TMEM165: variants seen among roughly 807,000 people sequenced by gnomAD.
TMEM165 encodes the protein putative divalent cation/proton antiporter TMEM165.
In TMEM165, 19 loss-of-function variants were observed where a neutral mutation model predicts 30.0. The observed-to-expected ratio is 0.63, with a 90% CI of 0.44 to 0.93. TMEM165 has a LOEUF of 0.93. Ranked by LOEUF, TMEM165 falls within the 40% of genes least tolerant of loss-of-function variation. The probability of loss-of-function intolerance (pLI) is 0.00; values close to 1 mark genes in which losing one functional copy is unlikely to be tolerated. For synonymous variants in TMEM165, 168 were observed against 162.9 expected, an observed-to-expected ratio of 1.03 and a Z score of -0.24; for missense variants, 340 against 417.0, an observed-to-expected ratio of 0.82 and a Z score of 1.61.
At chr4:55,448,599 CGCGTGTGTGTGTGTGTGTGTGT>C (rs1198649403) in intron 3 of TMEM165, among the ~76,000 whole-genome samples, 6 of 105,592 alleles carry the variant, frequency 5.7e-5, no homozygotes, top group Non-Finnish European at 1.1e-4. Flanking sequence ...CGCGCACGCG[CGCGTGTGTGTGTGTGTGTGTGT>C]GTGTGTGTGT....
chr4:55,404,177 A>AT (rs768783408), intron 1 of TMEM165, among the ~76,000 whole-genome samples: 9,733 of 140,648 alleles, frequency 0.069, 319 homozygotes, highest in African/African-American at 0.093. Flanking sequence ...ACGCCTGGCT[A>AT]TTTTTTTTTT....
intron 1 of TMEM165, among the ~76,000 whole-genome samples, chr4:55,398,261 C>G (rs1720814475): frequency 1.3e-5 from 2 of 152,198 alleles, no homozygotes; most frequent in South Asian, 4.1e-4. Context: ...GAATAACTAA[C>G]TGCCTATGAG....
chr4:55,426,956 A>G (rs1475814102), downstream of TMEM165, among the ~76,000 whole-genome samples: 3 of 152,156 alleles, frequency 2.0e-5, no homozygotes, highest in Non-Finnish European at 4.4e-5. Context: ...GTGGATTAAG[A>G]TAAACTCTGT....
chr4:55,416,713 C>T (rs1006890552), intron 2 of TMEM165, among the ~76,000 whole-genome samples: 21 of 152,102 alleles, frequency 1.4e-4, no homozygotes, highest in Non-Finnish European at 2.8e-4. Flanking sequence ...CTTGAGAGGG[C>T]CTCAGAGCTA....
rs1471168740 is a variant in TMEM165 at position 55,417,103 on chromosome 4, C to G, written c.465C>G (p.Pro155=). 1.2e-6 allele frequency: 2 copies of G among 1,608,146 alleles called. No individual in the cohort carries two copies. The highest frequency in any genetic ancestry group is 4.5e-5 in the East Asian group (2 of 44,564). ...VLFGYATTVI[P]RVYTYYVSTV... The stretch of plus-strand genomic sequence containing the variant: ...TTGGCTATGCCACCACAGTCATCCC[C>G]AGGGTCTATACATACTATGTTTCAA... The change falls in exon 3 of 6, where the codon CCC becomes CCG. Residue 155 remains proline (P), a synonymous_variant. Transcript: ENST00000381334.
intron 3 of TMEM165, chr4:55,432,027 G>A (rs6832769): frequency 0.68 from 104,058 of 152,028 alleles, 35,852 homozygotes; most frequent in South Asian, 0.81. Context: ...TGCACTGAAT[G>A]TTCTATAACA....
exon 4 of TMEM165, chr4:55,452,503 C>T (rs951393581): frequency 6.5e-6 from 1 of 153,856 alleles, no homozygotes; most frequent in Non-Finnish European, 1.4e-5. Context: ...TAAACTGTGC[C>T]TGGACTCTTG....
chr4:55,424,276 T>G, intron 4 of TMEM165: 1 of 451,658 alleles, frequency 2.2e-6, no homozygotes. Context: ...AAGGTTCGAT[T>G]AGCTTTATTT....
Position 55,450,214 on chromosome 4 carries a change from C to A in TMEM165, c.409-2025C>A, listed in dbSNP as rs761143974. 1.7e-5 allele frequency: 27 copies of A among 1,613,854 alleles called. 1 individual carries two copies. In the South Asian group the frequency reaches 3.0e-4, roughly 18 times the overall value. On this transcript the variant is annotated intron_variant, in intron 3 of 3. Coordinates refer to the TMEM165 transcript ENST00000608091. ...AGACTGACTGTGTTTATACGATTAT[C>A]TGACCCAGAATCTTGGCTCTATGGA... is the stretch of plus-strand genomic sequence containing the variant.
intron 1 of TMEM165, chr4:55,397,021 C>G (rs1384459673): frequency 1.3e-5 from 2 of 152,156 alleles, no homozygotes; most frequent in Admixed American, 1.3e-4. Context: ...TGTATTTTGT[C>G]CTTCCCTGAA....
chr4:55,398,728 C>G (rs547006962), intron 1 of TMEM165, among the ~76,000 whole-genome samples: 32 of 152,292 alleles, frequency 2.1e-4, no homozygotes, highest in African/African-American at 7.5e-4. Flanking sequence ...CTGGCTTACT[C>G]ATCTGTCTAT....
chr4:55,433,377 CATT>C (rs1560406815), intron 3 of TMEM165: 1 of 152,570 alleles, frequency 6.6e-6, no homozygotes, highest in Admixed American at 6.5e-5. Flanking sequence ...TCTTTTTCAA[CATT>C]AATGTTCAAA....
At chr4:55,426,612 A>G (rs981961110), downstream of TMEM165, among the ~76,000 whole-genome samples, 1 of 152,228 alleles carries the variant, frequency 6.6e-6, no homozygotes, top group African/African-American at 2.4e-5. Flanking sequence ...GCCTCACTAA[A>G]TTGAAGGACA....
intron 3 of TMEM165, among the ~76,000 whole-genome samples, chr4:55,436,304 C>T (rs1051229023): frequency 1.3e-5 from 2 of 152,150 alleles, no homozygotes; most frequent in African/African-American, 2.4e-5. Flanking sequence ...AAAAAAGGCA[C>T]AGGATTTGCA....
chr4:55,397,690 A>G (rs757029964), intron 1 of TMEM165, among the ~76,000 whole-genome samples: 3 of 102,666 alleles, frequency 2.9e-5, no homozygotes, highest in Non-Finnish European at 6.3e-5. Flanking sequence ...TTTCCTTTCC[A>G]TTCCTTTCAT....
At chr4:55,447,270 G>A (rs1488090827) in intron 3 of TMEM165, among the ~76,000 whole-genome samples, 1 of 152,088 alleles carries the variant, frequency 6.6e-6, no homozygotes, top group Non-Finnish European at 1.5e-5. Flanking sequence ...GGGAGACTGA[G>A]GCGGGATCGC....
In TMEM165 at chr4:55,444,905, T is replaced by C. The variant is rs1397620962; in HGVS notation, c.409-7334T>C. On this transcript the variant is annotated intron_variant, in intron 3 of 3. Transcript: ENST00000608091. ...GAAGGATGATAACATCCTTCACTAG[T>C]TATGTCCCTTAGTTTCTAATCCACC... is the stretch of plus-strand genomic sequence containing the variant. The C allele has an allele frequency of 5.0e-6, 5 of 999,232 alleles. No homozygotes were observed. The African/African-American group carries it at 6.4e-5, about 13-fold the overall frequency. The allele number at this position is 999,232 out of a possible 1,614,324, so 61.9% of individuals were successfully genotyped here. A position where few individuals can be genotyped will look rare whatever the true frequency, so the allele number is the denominator to read the frequency against.
rs546461813 is a variant in TMEM165, at chr4:55,445,298, C to G, written c.409-6941C>G. 1.6e-4 allele frequency among the ~76,000 whole-genome samples: 24 copies of G among 152,250 alleles called. No homozygotes were observed. The South Asian group carries it at 4.8e-3, about 30-fold the overall frequency. On this transcript the variant is annotated intron_variant, in intron 3 of 3. Transcript: ENST00000608091. ...CCTGCCCCGGCAGGTGGCTTTCCAG[C>G]AAGTCTCAATGACATCCTAGTGGGC...
intron 1 of TMEM165, among the ~76,000 whole-genome samples, chr4:55,403,060 G>A (rs1721099396): frequency 6.6e-6 from 1 of 152,022 alleles, no homozygotes. Flanking sequence ...AAAGTGCTGG[G>A]ATTACAGGCA....
Sources: allele counts gnomAD v4.1 joint callset (sites outside exome capture counted in the v4.1 genomes callset), GRCh38; gene constraint gnomAD v4.1.1; transcripts MANE v1.5; gene names NCBI Gene and HGNC (gene_info 2026-07-23, HGNC 2026-07-21).